MCTP1: variants seen among roughly 807,000 people sequenced by gnomAD.
MCTP1 encodes multiple C2 and transmembrane domain containing 1.
A neutral mutation model predicts 120.6 loss-of-function variants in MCTP1; 69 were observed. That is an observed-to-expected ratio of 0.57 (90% CI 0.47 to 0.70). The LOEUF is 0.70. Among genes scored for constraint, MCTP1 ranks in the 30% least tolerant of loss-of-function variants. MCTP1 has a pLI of 0.00. For missense variants in MCTP1, 1,203 were observed against 1,248.8 expected (o/e 0.96, Z 0.55); for synonymous variants, 529 against 493.1 (o/e 1.07, Z -0.96).
chr5:95,094,539 A>G (rs1756080403), intron 1 of MCTP1, among the ~76,000 whole-genome samples: 1 of 152,202 alleles, frequency 6.6e-6, no homozygotes, highest in Non-Finnish European at 1.5e-5. Context: ...AAAAAATTTT[A>G]AATAACTCAT....
At chr5:94,727,759 G>A (rs946689380) in intron 19 of MCTP1, among the ~76,000 whole-genome samples, 5 of 152,028 alleles carry the variant, frequency 3.3e-5, no homozygotes, top group African/African-American at 1.2e-4. Flanking sequence ...CACCACTTTG[G>A]GCTTTTATTT....
chr5:95,192,018 C>T (rs1749876587), intron 1 of MCTP1, among the ~76,000 whole-genome samples: 1 of 151,902 alleles, frequency 6.6e-6, no homozygotes. Context: ...ACTATACAGC[C>T]AATATTTTTA....
intron 2 of MCTP1, among the ~76,000 whole-genome samples, chr5:94,955,867 C>T (rs1248805252): frequency 6.6e-6 from 1 of 152,220 alleles, no homozygotes; most frequent in African/African-American, 2.4e-5. Context: ...TTCCTGCCTG[C>T]CAGCTCTGAA....
intron 7 of MCTP1, among the ~76,000 whole-genome samples, chr5:94,919,296 A>C (rs1234072527): frequency 1.3e-5 from 2 of 152,208 alleles, no homozygotes; most frequent in Admixed American, 6.5e-5. Flanking sequence ...TTAGTTTAAA[A>C]AGTTTAGTAA....
At chr5:95,128,044 G>T (rs2152419480) in intron 1 of MCTP1, among the ~76,000 whole-genome samples, 1 of 152,300 alleles carries the variant, frequency 6.6e-6, no homozygotes, top group South Asian at 2.1e-4. Flanking sequence ...AAAACGACTT[G>T]CCTAGATAAG....
intron 1 of MCTP1, among the ~76,000 whole-genome samples, chr5:95,213,867 G>A (rs1414869927): frequency 6.6e-6 from 1 of 152,268 alleles, no homozygotes; most frequent in Admixed American, 6.5e-5. Flanking sequence ...ATTACTTCAA[G>A]GTGGATTAAA....
At chr5:94,818,517 T>C (rs1249354592) in intron 17 of MCTP1, among the ~76,000 whole-genome samples, 1 of 152,158 alleles carries the variant, frequency 6.6e-6, no homozygotes, top group African/African-American at 2.4e-5. Context: ...CAACAGGCCA[T>C]ATGGAGTTTA....
chr5:95,118,553 C>T (rs1282811430), intron 1 of MCTP1, among the ~76,000 whole-genome samples: 4 of 152,048 alleles, frequency 2.6e-5, no homozygotes, highest in Admixed American at 2.0e-4. Context: ...TAACATTGAA[C>T]ATAAATGGAC....
chr5:94,956,059 C>T (rs767525841), intron 2 of MCTP1, among the ~76,000 whole-genome samples: 49 of 152,200 alleles, frequency 3.2e-4, no homozygotes, highest in Non-Finnish European at 6.3e-4. Flanking sequence ...GATGAAGCTT[C>T]CAGAGGAAGG....
intron 17 of MCTP1, among the ~76,000 whole-genome samples, chr5:94,810,208 A>G (rs905348431): frequency 3.9e-5 from 6 of 152,128 alleles, no homozygotes; most frequent in African/African-American, 1.4e-4. Context: ...TGAGGTAAAG[A>G]TTTATTAGAG....
At chr5:95,270,281 T>C (rs1759259304) in intron 1 of MCTP1, among the ~76,000 whole-genome samples, 1 of 152,198 alleles carries the variant, frequency 6.6e-6, no homozygotes, top group Non-Finnish European at 1.5e-5. Context: ...GACATAGACC[T>C]GGGTCCATCA....
At chr5:95,007,193 G>C (rs922058099) in intron 2 of MCTP1, among the ~76,000 whole-genome samples, 1 of 152,082 alleles carries the variant, frequency 6.6e-6, no homozygotes, top group African/African-American at 2.4e-5. Context: ...CAGCATGAGG[G>C]TAATCGCCCC....
intron 1 of MCTP1, among the ~76,000 whole-genome samples, chr5:95,069,476 G>T (rs138624679): frequency 1.2e-4 from 18 of 149,036 alleles, no homozygotes; most frequent in African/African-American, 4.2e-4. Flanking sequence ...AACATACAGT[G>T]TACAGAAATA....
At chr5:95,257,184 G>A (rs1383098100) in intron 1 of MCTP1, among the ~76,000 whole-genome samples, 1 of 151,960 alleles carries the variant, frequency 6.6e-6, no homozygotes, top group Non-Finnish European at 1.5e-5. Flanking sequence ...TTACATTACT[G>A]TCCTCAAACT....
intron 18 of MCTP1, among the ~76,000 whole-genome samples, chr5:94,785,237 C>G (rs1777428240): frequency 6.6e-6 from 1 of 152,068 alleles, no homozygotes; most frequent in African/African-American, 2.4e-5. Flanking sequence ...TTTCGGTATT[C>G]TTAAGTGTTC....
In MCTP1 at chr5:94,784,812, A is replaced by G. The variant is rs557384078; in HGVS notation, c.2557-5649T>C. On this transcript the variant is annotated intron_variant, in intron 18 of 22. Coordinates refer to ENST00000515393, the MANE Select transcript of MCTP1 (RefSeq NM_024717.7). ...ACAAAAGAAGGCAGAATAAAAAAAA[A>G]AGCATTAGTACTTACTGCTAAAAGA... The G allele has an allele frequency of 4.6e-5, 7 of 152,152 alleles. No homozygotes were observed. The East Asian group carries it at 1.3e-3, about 29-fold the overall frequency. The allele number at this position is 152,152 out of a possible 1,614,324, so 9.4% of individuals were successfully genotyped here.
At chr5:95,018,602 G>A (rs900385597) in intron 1 of MCTP1, among the ~76,000 whole-genome samples, 1 of 151,712 alleles carries the variant, frequency 6.6e-6, no homozygotes, top group Admixed American at 6.6e-5. Context: ...TTGACAACCT[G>A]AACTCACTGT....
intron 17 of MCTP1, among the ~76,000 whole-genome samples, chr5:94,819,078 AATTTATTT>A (rs10526286): frequency 0.019 from 2,701 of 140,264 alleles, 41 homozygotes; most frequent in East Asian, 0.055. Context: ...AACTACTTCA[AATTTATTT>A]ATTTATTTAT....
intron 17 of MCTP1, among the ~76,000 whole-genome samples, chr5:94,822,184 A>G (rs939342096): frequency 1.3e-5 from 2 of 152,090 alleles, no homozygotes; most frequent in Admixed American, 6.6e-5. Context: ...TACATTAGGT[A>G]TTTCTCCTAA....
Sources: allele counts gnomAD v4.1 joint callset (sites outside exome capture counted in the v4.1 genomes callset), GRCh38; gene constraint gnomAD v4.1.1; transcripts MANE v1.5; gene names NCBI Gene and HGNC (gene_info 2026-07-23, HGNC 2026-07-21).